The following SGCD variants were observed in gnomAD, a reference collection of about 807,000 sequenced individuals.
The protein encoded by SGCD is delta-sarcoglycan.
SGCD carries 18 observed loss-of-function variants against 36.6 expected under a neutral mutation model. That is an observed-to-expected ratio of 0.49 (90% confidence interval 0.34 to 0.73). SGCD has a LOEUF of 0.73. Ranked by LOEUF, SGCD falls within the 30% of genes least tolerant of loss-of-function variation. The pLI is 0.01. For missense variants in SGCD, 387 were observed against 346.7 expected (o/e 1.12, Z -0.92); for synonymous variants, 133 against 130.6 (o/e 1.02, Z -0.12).
chr5:156,358,207 C>A (rs1406422871), intron 3 of SGCD, among the ~76,000 whole-genome samples: 1 of 152,164 alleles, frequency 6.6e-6, no homozygotes, highest in Admixed American at 6.5e-5. Context: ...CTCAGTCACT[C>A]CCTGGGTAAA....
At chr5:156,719,401 T>TACAC (rs372239782) in intron 7 of SGCD, among the ~76,000 whole-genome samples, 1 of 150,964 alleles carries the variant, frequency 6.6e-6, no homozygotes, top group African/African-American at 2.4e-5. Flanking sequence ...GATGTATATA[T>TACAC]ACACACACAC....
chr5:155,876,103 G>T (rs1755762760), intron 1 of SGCD, among the ~76,000 whole-genome samples: 1 of 150,488 alleles, frequency 6.6e-6, no homozygotes, highest in South Asian at 2.1e-4. Flanking sequence ...CATTGTGCAG[G>T]TTAGTTACAT....
chr5:156,559,611 T>C (rs1203931247), intron 4 of SGCD, among the ~76,000 whole-genome samples: 2 of 152,166 alleles, frequency 1.3e-5, no homozygotes, highest in Non-Finnish European at 2.9e-5. Context: ...AGTTACCAAC[T>C]TCTCCTCAGC....
At chr5:156,740,527 G>A (rs575850368) in intron 7 of SGCD, among the ~76,000 whole-genome samples, 1 of 152,316 alleles carries the variant, frequency 6.6e-6, no homozygotes, top group East Asian at 1.9e-4. Context: ...CATTAGAGTG[G>A]CAACACAGAA....
chr5:156,516,879 C>T lies in SGCD; in HGVS notation c.294+8177C>T, dbSNP rs192928425. Among the ~76,000 whole-genome samples, 684 of 152,282 alleles carry T rather than the reference C, an allele frequency of 4.5e-3. 4 individuals are homozygous for T. The highest frequency in any genetic ancestry group is 0.014 in the African/African-American group (570 of 41,554). On this transcript the variant is annotated intron_variant, in intron 4 of 8. Transcript: ENST00000337851. ...AGGCTTGGTGGCACATGTCAGTAGTCCCAGCTACTCAGGGAGGCTGAGGCA... is the reference window on the plus strand; with the variant it reads ...AGGCTTGGTGGCACATGTCAGTAGTTCCAGCTACTCAGGGAGGCTGAGGCA...
intron 1 of SGCD, among the ~76,000 whole-genome samples, chr5:155,982,203 A>G (rs1028722385): frequency 3.3e-5 from 5 of 152,058 alleles, no homozygotes; most frequent in African/African-American, 4.8e-5. Flanking sequence ...TGTGTTTTTG[A>G]TATTTGATTC....
In SGCD at chr5:156,059,221, G is replaced by A. The variant is rs544926654; in HGVS notation, c.-281-58657G>A. 5.5e-5 allele frequency among the ~76,000 whole-genome samples: 8 copies of A among 145,774 alleles called. 1 individual carries two copies. The highest frequency in any genetic ancestry group is 1.1e-4 in the Non-Finnish European group (7 of 64,804). On this transcript the variant is annotated intron_variant, in intron 1 of 9. Coordinates refer to the SGCD transcript ENST00000517913. Reference sequence around the variant, plus strand: ...GCTTAACAAGCAAAACCCAAGCCCTGTCTAGAGGAAAGCAAGTTAATTAAA... The same window carrying A: ...GCTTAACAAGCAAAACCCAAGCCCTATCTAGAGGAAAGCAAGTTAATTAAA...
chr5:156,270,586 T>C (rs1348550435), intron 3 of SGCD, among the ~76,000 whole-genome samples: 1 of 152,172 alleles, frequency 6.6e-6, no homozygotes, highest in Non-Finnish European at 1.5e-5. Flanking sequence ...GGTCGTTTAG[T>C]AATTTGTGGT....
intron 6 of SGCD, among the ~76,000 whole-genome samples, chr5:156,608,966 A>G (rs1297549641): frequency 2.6e-5 from 4 of 152,092 alleles, no homozygotes; most frequent in Admixed American, 2.6e-4. Flanking sequence ...TTTCCTGAAT[A>G]CAGCACACTG....
At chr5:156,732,996 T>C (rs1312794724) in intron 7 of SGCD, among the ~76,000 whole-genome samples, 2 of 152,104 alleles carry the variant, frequency 1.3e-5, no homozygotes, top group African/African-American at 2.4e-5. Flanking sequence ...TCTACCTATG[T>C]TATTAATTCT....
intron 2 of SGCD, among the ~76,000 whole-genome samples, chr5:156,343,336 A>G (rs1444473691): frequency 6.6e-6 from 1 of 152,194 alleles, no homozygotes; most frequent in African/African-American, 2.4e-5. Context: ...CTGTACCATT[A>G]TCTGAATGGA....
intron 3 of SGCD, chr5:156,393,948 C>A: frequency 2.6e-6 from 1 of 387,080 alleles, no homozygotes; most frequent in Non-Finnish European, 5.2e-6. Context: ...TGATTCTTTC[C>A]CTGAAAAAGG....
the SGCD span, among the ~76,000 whole-genome samples, chr5:155,847,704 G>C: frequency 2.0e-5 from 3 of 152,152 alleles, no homozygotes; most frequent in African/African-American, 7.2e-5. Context: ...ACTTGGAAAG[G>C]CGAAAGAGAG....
At chr5:156,551,087 G>T (rs1337236065) in intron 4 of SGCD, among the ~76,000 whole-genome samples, 1 of 152,066 alleles carries the variant, frequency 6.6e-6, no homozygotes, top group Admixed American at 6.6e-5. Flanking sequence ...CACTCGCCCT[G>T]TCAGCTCTTT....
intron 3 of SGCD, among the ~76,000 whole-genome samples, chr5:156,135,702 G>C (rs190610088): frequency 2.6e-4 from 39 of 152,276 alleles, no homozygotes; most frequent in Non-Finnish European, 4.3e-4. Context: ...AAGCCAAGAA[G>C]CGTTTCTGAA....
intron 1 of SGCD, among the ~76,000 whole-genome samples, chr5:156,102,660 C>A (rs968096553): frequency 1.3e-5 from 2 of 152,182 alleles, no homozygotes; most frequent in African/African-American, 4.8e-5. Context: ...GAAGCACATA[C>A]AAGTCTGTGG....
At chr5:156,634,348 A>G (rs1762744149) in intron 6 of SGCD, among the ~76,000 whole-genome samples, 1 of 152,134 alleles carries the variant, frequency 6.6e-6, no homozygotes, top group East Asian at 1.9e-4. Flanking sequence ...CTGTGCAGCA[A>G]ATCACCATGG....
At chr5:156,732,877 T>C (rs1297224557) in intron 7 of SGCD, among the ~76,000 whole-genome samples, 4 of 152,126 alleles carry the variant, frequency 2.6e-5, no homozygotes, top group Non-Finnish European at 5.9e-5. Flanking sequence ...GAGGTGTTCA[T>C]AATATTCTGT....
chr5:156,508,978 G>A (rs1429781303), intron 4 of SGCD, among the ~76,000 whole-genome samples: 1 of 152,154 alleles, frequency 6.6e-6, no homozygotes, highest in Non-Finnish European at 1.5e-5. Flanking sequence ...AGCAAATGTG[G>A]AACAGCCATA....
Sources: allele counts gnomAD v4.1 joint callset (sites outside exome capture counted in the v4.1 genomes callset), GRCh38; gene constraint gnomAD v4.1.1; transcripts MANE v1.5; gene names NCBI Gene and HGNC (gene_info 2026-07-23, HGNC 2026-07-21).